Variants in GLT6D1 observed in about 807,000 individuals in gnomAD.
The protein encoded by GLT6D1 is glycosyltransferase 6 domain containing 1.
In GLT6D1, 9 loss-of-function variants were observed where a neutral mutation model predicts 12.3. The observed-to-expected ratio is 0.73, with a 90% CI of 0.44 to 1.27. The LOEUF (loss-of-function observed/expected upper bound fraction) is 1.27. Ranked by LOEUF, GLT6D1 falls within the 50% of genes most tolerant of loss-of-function variation. The probability of loss-of-function intolerance (pLI) is 0.00; values close to 1 mark genes in which losing one functional copy is unlikely to be tolerated. For missense variants in GLT6D1, 335 were observed against 346.2 expected (o/e 0.97, Z 0.26); for synonymous variants, 128 against 132.3 (o/e 0.97, Z 0.23).
chr9:135,639,395 G>T lies in GLT6D1; in HGVS notation c.-109C>A, dbSNP rs1588208178. 3 of 461,464 alleles carry T rather than the reference G, an allele frequency of 6.5e-6. No homozygotes were observed. Among genetic ancestry groups the T allele is most frequent in the East Asian group, 7.4e-5 (2 of 27,090 alleles). The allele number at this position is 461,464 out of a possible 1,614,324, so 28.6% of individuals were successfully genotyped here. The stretch of plus-strand genomic sequence containing the variant: ...TGCCCGGGGCTGACTGTTCCCCGTG[G>T]GTCAGCTGCACGTGCACTGTCTCTC... On this transcript the variant is annotated 5_prime_UTR_variant, in exon 1 of 5. Coordinates refer to ENST00000371763, the MANE Select transcript of GLT6D1 (RefSeq NM_182974.3).
At position 135,624,397 on chromosome 9, in the gene GLT6D1, G is replaced by C. The variant is rs1833436143; in HGVS notation, c.531C>G (p.Val177=). ...TCTCCACCCCGAACTCATTCTGGAA[G>C]ACCTGGTTGGCAGCCATGCTGAAGA... is the stretch of plus-strand genomic sequence containing the variant. The part of the protein sequence containing the change: ...DFLFSMAANQ[V]FQNEFGVETL... The change falls in exon 5 of 5, where the codon GTC becomes GTG. Residue 177 remains valine (V), a synonymous_variant. Coordinates refer to ENST00000371763, the MANE Select transcript of GLT6D1 (RefSeq NM_182974.3). 2.5e-6 allele frequency: 4 copies of C among 1,614,172 alleles called. No homozygotes were observed. Among genetic ancestry groups the C allele is most frequent in the Non-Finnish European group, 3.4e-6 (4 of 1,180,036 alleles).
intron 2 of GLT6D1, among the ~76,000 whole-genome samples, chr9:135,638,172 T>C (rs1833818831): frequency 6.6e-6 from 1 of 152,146 alleles, no homozygotes; most frequent in Admixed American, 6.5e-5. Flanking sequence ...GACGGAAAAG[T>C]GGAAACCCCT....
At chr9:135,636,931 C>A (rs1833788757) in intron 2 of GLT6D1, among the ~76,000 whole-genome samples, 1 of 152,128 alleles carries the variant, frequency 6.6e-6, no homozygotes, top group Admixed American at 6.5e-5. Flanking sequence ...CAGCTCACCG[C>A]AACCTCTGCC....
Position 135,639,356 on chromosome 9 carries a change from T to C in GLT6D1, c.-70A>G. 2 of 522,952 alleles carry C rather than the reference T, an allele frequency of 3.8e-6. No individual in the cohort carries two copies. The highest frequency in any genetic ancestry group is 7.1e-5 in the Admixed American group (2 of 28,224). The allele number at this position is 522,952 out of a possible 1,614,324, so 32.4% of individuals were successfully genotyped here. ...CAGCGACTTGAGTTAGGGAAGCCTC[T>C]GTTCTCCTTCAAGTGCCCGGGGCTG... On this transcript the variant is annotated 5_prime_UTR_variant, in exon 1 of 5. Transcript: ENST00000371763.
intron 3 of GLT6D1, among the ~76,000 whole-genome samples, chr9:135,628,449 T>C (rs1247670375): frequency 1.3e-5 from 2 of 152,092 alleles, no homozygotes; most frequent in Non-Finnish European, 2.9e-5. Context: ...TAGTTTATGG[T>C]GTATAATCCT....
chr9:135,631,535 C>T, intron 2 of GLT6D1, 57 bp from the exon 3 acceptor site: 1 of 1,318,408 alleles, frequency 7.6e-7, no homozygotes, highest in Non-Finnish European at 1.1e-6. Flanking sequence ...GTTTATTGAG[C>T]CTGTGATAGG....
intron 2 of GLT6D1, among the ~76,000 whole-genome samples, chr9:135,631,935 T>A (rs1281075986): frequency 6.6e-6 from 1 of 152,158 alleles, no homozygotes; most frequent in Non-Finnish European, 1.5e-5. Context: ...CTCACTTGCA[T>A]GATCATAGCT....
chr9:135,631,686 C>G (rs1202285569), intron 2 of GLT6D1, among the ~76,000 whole-genome samples: 2 of 151,082 alleles, frequency 1.3e-5, no homozygotes, highest in Non-Finnish European at 3.0e-5. Flanking sequence ...GAGGTCATGG[C>G]CAAAAGCAGA....
chr9:135,626,279 C>T, intron 3 of GLT6D1, 73 bp from the exon 4 acceptor site: 1 of 1,523,324 alleles, frequency 6.6e-7, no homozygotes, highest in Non-Finnish European at 9.0e-7. Flanking sequence ...AGCAGTAATG[C>T]CTAATGCTTA....
At position 135,623,880 on chromosome 9, in the gene GLT6D1, A is replaced by G; in HGVS notation, c.*217T>C. ...AAGATGGCTCAAAATGGCAAGAAGA[A>G]ACATTTATTTGGGAAGGATGTAAAT... On this transcript the variant is annotated 3_prime_UTR_variant, in exon 5 of 5. Coordinates refer to ENST00000371763, the MANE Select transcript of GLT6D1 (RefSeq NM_182974.3). The G allele has an allele frequency of 2.1e-6, 1 of 485,822 alleles. No homozygotes were observed. Among genetic ancestry groups the G allele is most frequent in the South Asian group, 3.1e-5 (1 of 32,202 alleles). The allele number at this position is 485,822 out of a possible 1,614,324, so 30.1% of individuals were successfully genotyped here.
At chr9:135,639,068 AC>A (rs770359161) in intron 2 of GLT6D1, 48 bp downstream of exon 2, 1 of 993,362 alleles carries the variant, frequency 1.0e-6, no homozygotes, top group South Asian at 1.5e-5. Flanking sequence ...AATTAAAACC[AC>A]CTCTGCCAAT....
In GLT6D1 at chr9:135,624,577, G is replaced by A. The variant is rs560477208; in HGVS notation, c.351C>T (p.Ala117=). The stretch of plus-strand genomic sequence containing the variant: ...GCTCTATGTCAGGCAGCTTGAAGAA[G>A]GCGTCCACCATGATGTAGAAGATCA... The part of the protein sequence containing the change: ...YRVIFYIMVD[A]FFKLPDIEPS... Residue 117 remains alanine, a synonymous_variant, in exon 5 of 5, where the codon GCC becomes GCT. Transcript: ENST00000371763. 9 of 1,613,618 alleles carry A rather than the reference G, an allele frequency of 5.6e-6. No individual in the cohort carries two copies. The highest frequency in any genetic ancestry group is 5.0e-5 in the Admixed American group (3 of 59,998).
chr9:135,630,406 GAAA>G (rs71384006), intron 3 of GLT6D1, among the ~76,000 whole-genome samples: 2 of 129,368 alleles, frequency 1.5e-5, no homozygotes, highest in Non-Finnish European at 1.6e-5. Flanking sequence ...CTCTGTCTCA[GAAA>G]AAAAAAAAAA....
At chr9:135,631,508 C>A in intron 2 of GLT6D1, 30 bp from the exon 3 acceptor site, 10 of 1,545,256 alleles carry the variant, frequency 6.5e-6, no homozygotes, top group Non-Finnish European at 8.9e-6. Flanking sequence ...CAAGTGATTG[C>A]AAGGAGCCTG....
chr9:135,627,680 T>C (rs1485071703), intron 3 of GLT6D1, among the ~76,000 whole-genome samples: 3 of 152,206 alleles, frequency 2.0e-5, no homozygotes, highest in African/African-American at 7.2e-5. Flanking sequence ...TGGATATATA[T>C]CTAGAGGTAG....
At chr9:135,629,903 C>A (rs551490454) in intron 3 of GLT6D1, among the ~76,000 whole-genome samples, 124 of 152,040 alleles carry the variant, frequency 8.2e-4, no homozygotes, top group African/African-American at 2.9e-3. Flanking sequence ...TGTATAGAGC[C>A]ACTTTGGGTC....
chr9:135,631,559 G>T, intron 2 of GLT6D1, 81 bp from the exon 3 acceptor site: 1 of 1,113,012 alleles, frequency 9.0e-7, no homozygotes, highest in Non-Finnish European at 1.4e-6. Flanking sequence ...GCCCCGTTTG[G>T]TGTTTCGTCA....
At chr9:135,638,782 T>A (rs1339062610) in intron 2 of GLT6D1, among the ~76,000 whole-genome samples, 1 of 152,204 alleles carries the variant, frequency 6.6e-6, no homozygotes, top group African/African-American at 2.4e-5. Flanking sequence ...AACTTCTGAT[T>A]TATTTAGAGA....
chr9:135,632,745 G>A (rs890652598), intron 2 of GLT6D1, among the ~76,000 whole-genome samples: 5 of 148,936 alleles, frequency 3.4e-5, no homozygotes, highest in Admixed American at 6.7e-5. Context: ...TCAGCTCACC[G>A]CAACCTCCAC....
Sources: allele counts gnomAD v4.1 joint callset (sites outside exome capture counted in the v4.1 genomes callset), GRCh38; gene constraint gnomAD v4.1.1; transcripts MANE v1.5; gene names NCBI Gene and HGNC (gene_info 2026-07-23, HGNC 2026-07-21).